MACROD2: variants seen among roughly 807,000 people sequenced by gnomAD.
MACROD2 encodes mono-ADP ribosylhydrolase 2, also known as ADP-ribose glycohydrolase MACROD2.
Under a neutral mutation model 70.4 loss-of-function variants are expected in MACROD2, and 36 were observed. That is an observed-to-expected ratio of 0.51 (90% confidence interval 0.39 to 0.68). The LOEUF (loss-of-function observed/expected upper bound fraction) is 0.68. MACROD2 is among the 30% of genes least tolerant of loss of function. MACROD2 has a pLI of 0.00. For missense variants in MACROD2, 496 were observed against 538.4 expected (o/e 0.92, Z 0.78); for synonymous variants, 172 against 178.8 (o/e 0.96, Z 0.30).
At chr20:14,554,454 G>C (rs1978887814) in intron 4 of MACROD2, 1 of 152,136 alleles carries the variant, frequency 6.6e-6, no homozygotes, top group Non-Finnish European at 1.5e-5. Context: ...TTCCAACCTG[G>C]AGAATCTGAC....
At chr20:14,946,352 T>C (rs974418745) in intron 5 of MACROD2, among the ~76,000 whole-genome samples, 2 of 152,180 alleles carry the variant, frequency 1.3e-5, no homozygotes, top group Non-Finnish European at 2.9e-5. Context: ...CATATCTGTA[T>C]CTAAATACCA....
At chr20:15,702,442 T>C (rs533278371) in intron 8 of MACROD2, among the ~76,000 whole-genome samples, 1 of 152,218 alleles carries the variant, frequency 6.6e-6, no homozygotes, top group African/African-American at 2.4e-5. Context: ...TTTTCATGTG[T>C]TTCTTGGCCA....
chr20:15,500,258 A>G (rs2047348315), intron 8 of MACROD2, among the ~76,000 whole-genome samples: 1 of 152,182 alleles, frequency 6.6e-6, no homozygotes, highest in Admixed American at 6.5e-5. Context: ...CTTTGGATTT[A>G]TAACTAATCA....
At chr20:15,754,633 G>GAA (rs1396739172) in intron 8 of MACROD2, among the ~76,000 whole-genome samples, 3 of 69,526 alleles carry the variant, frequency 4.3e-5, no homozygotes, top group East Asian at 4.3e-4. Context: ...CTCTAAAAAA[G>GAA]AAAAAAAAAA....
intron 4 of MACROD2, among the ~76,000 whole-genome samples, chr20:14,521,911 T>C (rs528416811): frequency 4.6e-5 from 7 of 152,202 alleles, no homozygotes; most frequent in Non-Finnish European, 8.8e-5. Flanking sequence ...TATGAGTTGA[T>C]GCTGTATTTT....
At chr20:14,774,408 A>G (rs1337276055) in intron 5 of MACROD2, among the ~76,000 whole-genome samples, 1 of 151,968 alleles carries the variant, frequency 6.6e-6, no homozygotes, top group African/African-American at 2.4e-5. Context: ...TATTTTCTCT[A>G]TATTGGGGTA....
At chr20:15,539,463 T>C (rs1436977594) in intron 8 of MACROD2, among the ~76,000 whole-genome samples, 1 of 152,242 alleles carries the variant, frequency 6.6e-6, no homozygotes, top group African/African-American at 2.4e-5. Context: ...CAGTATTGTT[T>C]TTCCTGTGTC....
At chr20:15,324,757 A>G (rs1373862125) in intron 6 of MACROD2, among the ~76,000 whole-genome samples, 2 of 152,192 alleles carry the variant, frequency 1.3e-5, no homozygotes, top group African/African-American at 4.8e-5. Flanking sequence ...GTCATCAACC[A>G]CAAGGGAAGT....
chr20:15,748,403 T>C (rs2051217439), intron 8 of MACROD2, among the ~76,000 whole-genome samples: 1 of 152,020 alleles, frequency 6.6e-6, no homozygotes, highest in Non-Finnish European at 1.5e-5. Context: ...TTTCTTTCTC[T>C]TTATTTTTTT....
intron 3 of MACROD2, among the ~76,000 whole-genome samples, chr20:14,362,436 C>T (rs2083230620): frequency 6.6e-6 from 1 of 152,262 alleles, no homozygotes; most frequent in South Asian, 2.1e-4. Context: ...TTGCAGTGAG[C>T]AAGACAGTTT....
intron 3 of MACROD2, among the ~76,000 whole-genome samples, chr20:14,143,994 T>C (rs1415445848): frequency 6.6e-6 from 1 of 152,172 alleles, no homozygotes; most frequent in Non-Finnish European, 1.5e-5. Flanking sequence ...CCTCTTTTAA[T>C]CTGATTGACT....
chr20:16,011,631 C>T (rs760227075), intron 15 of MACROD2, among the ~76,000 whole-genome samples: 9 of 109,268 alleles, frequency 8.2e-5, no homozygotes, highest in Admixed American at 6.3e-4. Context: ...AGCGCAAGCC[C>T]GAGTAAAGGA....
intron 5 of MACROD2, among the ~76,000 whole-genome samples, chr20:14,883,111 A>T (rs946795228): frequency 2.0e-5 from 3 of 152,190 alleles, no homozygotes; most frequent in African/African-American, 4.8e-5. Flanking sequence ...AACATGTTTT[A>T]AATACCACAA....
chr20:15,802,747 TAAAC>T (rs1447485051), intron 8 of MACROD2, among the ~76,000 whole-genome samples: 1 of 151,610 alleles, frequency 6.6e-6, no homozygotes, highest in African/African-American at 2.4e-5. Flanking sequence ...TTTGAAAAGA[TAAAC>T]AAAATAAATA....
At position 14,169,341 on chromosome 20, in the gene MACROD2, G is replaced by C. The variant is rs12625480; in HGVS notation, c.271+83613G>C. ...GGGCGGTGGACAGAGTTTCACTCTTGTTGCCCAGGGTGGAGTGCAATGGTG... is the reference window on the plus strand; with the variant it reads ...GGGCGGTGGACAGAGTTTCACTCTTCTTGCCCAGGGTGGAGTGCAATGGTG... On this transcript the variant is annotated intron_variant, in intron 3 of 17. Transcript: ENST00000684519. Among the ~76,000 whole-genome samples the C allele has an allele frequency of 3.3e-5, 5 of 151,778 alleles. No individual in the cohort carries two copies. In the East Asian group the frequency reaches 7.7e-4, roughly 23 times the overall value.
intron 3 of MACROD2, among the ~76,000 whole-genome samples, chr20:14,116,851 G>A (rs1313977874): frequency 2.0e-5 from 3 of 151,912 alleles, no homozygotes; most frequent in Admixed American, 6.6e-5. Flanking sequence ...GTTGGATCAC[G>A]AGGTCAAGAG....
chr20:14,146,983 A>G (rs2054951014), intron 3 of MACROD2, among the ~76,000 whole-genome samples: 1 of 152,172 alleles, frequency 6.6e-6, no homozygotes, highest in Non-Finnish European at 1.5e-5. Flanking sequence ...AGGTGAGTCT[A>G]AGCTTGAGAA....
chr20:14,157,350 G>A (rs1022400123), intron 3 of MACROD2, among the ~76,000 whole-genome samples: 1 of 152,060 alleles, frequency 6.6e-6, no homozygotes, highest in African/African-American at 2.4e-5. Context: ...AAGTCAGGGT[G>A]TTTGGGGTAT....
intron 5 of MACROD2, among the ~76,000 whole-genome samples, chr20:15,013,862 G>C (rs1302321589): frequency 1.3e-5 from 2 of 152,132 alleles, no homozygotes; most frequent in Non-Finnish European, 2.9e-5. Flanking sequence ...CTGAAATGAA[G>C]CATGATCACT....
Sources: gnomAD v4.1 joint callset for allele counts (sites outside exome capture counted in the v4.1 genomes callset) on GRCh38, gnomAD v4.1.1 for gene constraint, MANE v1.5 for transcripts, NCBI Gene and HGNC (gene_info 2026-07-23, HGNC 2026-07-21) for gene names.